The following LHPP variants were observed in gnomAD, a reference collection of about 807,000 sequenced individuals.
LHPP encodes the protein phospholysine phosphohistidine inorganic pyrophosphate phosphatase, also known as hLHPP.
In LHPP, 24 loss-of-function variants were observed where a neutral mutation model predicts 30.3. The observed-to-expected ratio is 0.79, with a 90% CI of 0.57 to 1.11. The LOEUF is 1.11. LHPP is among the 50% of genes most tolerant of loss of function. The pLI, the probability that LHPP is intolerant of heterozygous loss-of-function variation, is 0.00. For missense variants in LHPP, 356 were observed against 367.2 expected, an observed-to-expected ratio of 0.97 and a Z score of 0.25; for synonymous variants, 150 against 157.1, an observed-to-expected ratio of 0.95 and a Z score of 0.34.
Position 124,613,451 on chromosome 10 carries a change from G to A in LHPP, c.*91G>A, listed in dbSNP as rs1403768164. On this transcript the variant is annotated 3_prime_UTR_variant, in exon 7 of 7. Coordinates refer to ENST00000368842, the MANE Select transcript of LHPP (RefSeq NM_022126.4). ...CCCTGCCTCTCCTCCACCCGCCCAG[G>A]AGAGCCCCACCTCCTCCACCCCTGC... 7 of 845,700 alleles carry A rather than the reference G, an allele frequency of 8.3e-6. No homozygotes were observed. Among genetic ancestry groups the A allele is most frequent in the African/African-American group, 3.6e-5 (2 of 54,818 alleles). 52.4% of individuals were successfully genotyped at this position (845,700 alleles called of 1,614,324 possible). A position where few individuals can be genotyped will look rare whatever the true frequency, so the allele number is the denominator to read the frequency against.
At chr10:124,529,998 G>T (rs946997299) in intron 6 of LHPP, among the ~76,000 whole-genome samples, 3 of 152,212 alleles carry the variant, frequency 2.0e-5, no homozygotes, top group African/African-American at 7.2e-5. Context: ...GGCTGGAGAG[G>T]TGCCTTGCCA....
rs1378370795 is a variant in LHPP, at chr10:124,484,220, G to A, written c.207G>A (p.Gln69=). 6.2e-7 allele frequency: 1 copy of A among 1,614,126 alleles called. No homozygotes were observed. The highest frequency in any genetic ancestry group is 8.5e-7 in the Non-Finnish European group (1 of 1,180,024). ...GGGCAGAGCTGGTGGGGCAGCTTCAGAGGCTGGGATTTGACATCTCTGAGC... is the reference window on the plus strand; with the variant it reads ...GGGCAGAGCTGGTGGGGCAGCTTCAAAGGCTGGGATTTGACATCTCTGAGC... ...KSRAELVGQL[Q]RLGFDISEQE... The change falls in exon 2 of 7, where the codon CAG becomes CAA. Residue 69 remains glutamine, a synonymous_variant. Coordinates refer to ENST00000368842, the MANE Select transcript of LHPP (RefSeq NM_022126.4).
At chr10:124,609,502 C>T (rs1949138748) in intron 6 of LHPP, among the ~76,000 whole-genome samples, 1 of 152,214 alleles carries the variant, frequency 6.6e-6, no homozygotes, top group South Asian at 2.1e-4. Flanking sequence ...CCTTAGCCTC[C>T]CAAAGTGCTA....
At chr10:124,492,357 C>T (rs944204358) in intron 3 of LHPP, among the ~76,000 whole-genome samples, 22 of 152,078 alleles carry the variant, frequency 1.4e-4, no homozygotes, top group Admixed American at 1.4e-3. Flanking sequence ...CAGAGAAGCC[C>T]GAAGCTACAG....
intron 6 of LHPP, among the ~76,000 whole-genome samples, chr10:124,542,595 G>A (rs1955224632): frequency 6.6e-6 from 1 of 152,162 alleles, no homozygotes; most frequent in Non-Finnish European, 1.5e-5. Flanking sequence ...CCAGAGAGAG[G>A]GGCAGGCTGG....
chr10:124,469,645 AT>A (rs950392208), intron 1 of LHPP, among the ~76,000 whole-genome samples: 17 of 150,722 alleles, frequency 1.1e-4, no homozygotes, highest in African/African-American at 2.4e-4. Context: ...TTCCTTTTTT[AT>A]TTTTTTTTCA....
chr10:124,515,181 A>G (rs1464437345), intron 5 of LHPP, among the ~76,000 whole-genome samples: 1 of 152,130 alleles, frequency 6.6e-6, no homozygotes. Context: ...TGCTCTGTTC[A>G]TTTTTGAAAA....
intron 3 of LHPP, chr10:124,493,776 TG>T (rs1953611248): frequency 6.6e-6 from 1 of 152,176 alleles, no homozygotes; most frequent in South Asian, 2.1e-4. Context: ...GGGCTGCCGT[TG>T]GCTGGGTTAA....
intron 1 of LHPP, among the ~76,000 whole-genome samples, chr10:124,475,483 G>T (rs2133830130): frequency 6.6e-6 from 1 of 152,206 alleles, no homozygotes. Flanking sequence ...AGAGGTTGCA[G>T]TGAGCCAAGA....
rs539903328 is a variant in LHPP, at chr10:124,581,054, C to T, written c.717-32210C>T. Among the ~76,000 whole-genome samples, 11 of 152,280 alleles carry T rather than the reference C, an allele frequency of 7.2e-5. 1 individual carries two copies. Among genetic ancestry groups the T allele is most frequent in the African/African-American group, 2.6e-4 (11 of 41,554 alleles). On this transcript the variant is annotated intron_variant, in intron 6 of 6. Coordinates refer to ENST00000368842, the MANE Select transcript of LHPP (RefSeq NM_022126.4). ...CATTACCCCCAAATAAACCTTGTACCCTTTAGTTACCTCCTCATCTCTGTA... is the reference window on the plus strand; with the variant it reads ...CATTACCCCCAAATAAACCTTGTACTCTTTAGTTACCTCCTCATCTCTGTA...
Position 124,502,341 on chromosome 10 carries a change from T to C in LHPP, c.624+4213T>C, listed in dbSNP as rs185318571. On this transcript the variant is annotated intron_variant, in intron 5 of 6. Coordinates refer to ENST00000368842, the MANE Select transcript of LHPP (RefSeq NM_022126.4). ...AGGTGTCTTCCAGAGTTCTCTACTG[T>C]CATTGCTATTTGTCCCTTTCAGTAA... Among the ~76,000 whole-genome samples the C allele has an allele frequency of 1.9e-3, 286 of 151,874 alleles. 7 individuals carry two copies. Among genetic ancestry groups the C allele is most frequent in the African/African-American group, 6.4e-3 (264 of 41,180 alleles).
At chr10:124,579,887 AG>A (rs753656221) in intron 6 of LHPP, among the ~76,000 whole-genome samples, 4 of 87,276 alleles carry the variant, frequency 4.6e-5, no homozygotes, top group Admixed American at 9.6e-5. Flanking sequence ...TGTCCCCTCC[AG>A]CAGTAGGAAA....
At chr10:124,603,153 T>C (rs1213093456) in intron 6 of LHPP, among the ~76,000 whole-genome samples, 1 of 152,226 alleles carries the variant, frequency 6.6e-6, no homozygotes, top group Non-Finnish European at 1.5e-5. Flanking sequence ...GCAGCCTAGC[T>C]GGACACCTGC....
chr10:124,573,776 G>T (rs1385491744), intron 6 of LHPP, among the ~76,000 whole-genome samples: 5 of 152,176 alleles, frequency 3.3e-5, no homozygotes, highest in Non-Finnish European at 7.3e-5. Flanking sequence ...GTGTGCCCAG[G>T]TGAGATCATG....
intron 6 of LHPP, among the ~76,000 whole-genome samples, chr10:124,611,466 G>A (rs986689254): frequency 1.3e-5 from 2 of 151,954 alleles, no homozygotes; most frequent in African/African-American, 2.4e-5. Flanking sequence ...GAGGGGAAGC[G>A]GCCGTAGCCC....
intron 6 of LHPP, among the ~76,000 whole-genome samples, chr10:124,530,402 G>A (rs1337139408): frequency 6.6e-6 from 1 of 152,076 alleles, no homozygotes; most frequent in Non-Finnish European, 1.5e-5. Flanking sequence ...GCCCACGTGT[G>A]CTCACGAGGG....
At chr10:124,553,318 G>T (rs1564827036) in intron 6 of LHPP, among the ~76,000 whole-genome samples, 1 of 152,290 alleles carries the variant, frequency 6.6e-6, no homozygotes, top group African/African-American at 2.4e-5. Flanking sequence ...GGGTTCTCAT[G>T]TGGGGAGCAT....
chr10:124,607,836 G>A (rs953396519), intron 6 of LHPP, among the ~76,000 whole-genome samples: 9 of 152,202 alleles, frequency 5.9e-5, no homozygotes, highest in African/African-American at 9.6e-5. Flanking sequence ...CAGAGAGGAC[G>A]TCAGACCCGG....
Position 124,464,212 on chromosome 10 carries a change from T to C in LHPP, c.125+2225T>C, listed in dbSNP as rs116873017. On this transcript the variant is annotated intron_variant, in intron 1 of 6. Transcript: ENST00000368842. ...CCAGGTCAGCACTGCCATGTGTTGA[T>C]AGGCAGCCGGGAAGGGCTAACTGCC... 3.0e-4 allele frequency among the ~76,000 whole-genome samples: 45 copies of C among 152,314 alleles called. No homozygotes were observed. The East Asian group carries it at 8.5e-3, about 29-fold the overall frequency.
Sources: gnomAD v4.1 joint callset for allele counts (sites outside exome capture counted in the v4.1 genomes callset) on GRCh38, gnomAD v4.1.1 for gene constraint, MANE v1.5 for transcripts, NCBI Gene and HGNC (gene_info 2026-07-23, HGNC 2026-07-21) for gene names.